NCAPG2: variants seen among roughly 807,000 people sequenced by gnomAD.
NCAPG2 encodes the protein condensin-2 complex subunit G2.
A neutral mutation model predicts 141.1 loss-of-function variants in NCAPG2; 53 were observed. The ratio of observed to expected loss-of-function variants is 0.38; its 90% confidence interval spans 0.30 to 0.47. The LOEUF is 0.47. NCAPG2 is among the 20% of genes least tolerant of loss of function. NCAPG2 has a pLI of 0.99. For missense variants in NCAPG2, 1,087 were observed against 1,389.0 expected (o/e 0.78, Z 3.46); for synonymous variants, 499 against 490.7 (o/e 1.02, Z -0.22).
Position 158,668,502 on chromosome 7 carries a change from A to G in NCAPG2, c.1479+3012T>C, listed in dbSNP as rs553099186. 5.0e-3 allele frequency: 4,231 copies of G among 852,412 alleles called. 17 individuals are homozygous for G. Among genetic ancestry groups the G allele is most frequent in the Non-Finnish European group, 5.6e-3 (3,991 of 709,242 alleles). 52.8% of individuals were successfully genotyped at this position (852,412 alleles called of 1,614,324 possible). On this transcript the variant is annotated intron_variant, in intron 13 of 27. Coordinates refer to ENST00000356309, the MANE Select transcript of NCAPG2 (RefSeq NM_017760.7). ...CTTTTAGAGATACATTCTGAAATACAAAGAAAACAATATGATGTCTGGAAT... is the reference window on the plus strand; with the variant it reads ...CTTTTAGAGATACATTCTGAAATACGAAGAAAACAATATGATGTCTGGAAT...
At position 158,646,465 on chromosome 7, in the gene NCAPG2, C is replaced by A; in HGVS notation, c.3174G>T (p.Val1058=). 1 of 1,598,314 alleles carries A rather than the reference C, an allele frequency of 6.3e-7. No homozygotes were observed. Among genetic ancestry groups the A allele is most frequent in the South Asian group, 1.1e-5 (1 of 88,766 alleles). ...AGTAAAGAGAAAGTGATTACCTGAC[C>A]ACATTCGAAGACTTTATTATTATTC... ...LIGIIIKSSN[V]VRSFLDELKA... Residue 1058 remains valine (V), a synonymous_variant, in exon 25 of 28, where the codon GTG becomes GTT. Transcript: ENST00000356309.
At chr7:158,694,266 T>C (rs758046489) in intron 2 of NCAPG2, among the ~76,000 whole-genome samples, 3 of 152,164 alleles carry the variant, frequency 2.0e-5, no homozygotes, top group Non-Finnish European at 2.9e-5. Context: ...AAATCATTAA[T>C]TAATAGCACC....
intron 27 of NCAPG2, among the ~76,000 whole-genome samples, chr7:158,639,338 A>T (rs1830487547): frequency 6.6e-6 from 1 of 151,936 alleles, no homozygotes; most frequent in South Asian, 2.1e-4. Flanking sequence ...GAACTCCTAG[A>T]CTCAAGCAAT....
At chr7:158,681,703 C>G (rs1834463686) in intron 9 of NCAPG2, among the ~76,000 whole-genome samples, 1 of 152,072 alleles carries the variant, frequency 6.6e-6, no homozygotes, top group South Asian at 2.1e-4. Context: ...ACTTTGATAT[C>G]AACAGTACAC....
chr7:158,665,979 T>A (rs1264946009), intron 13 of NCAPG2, among the ~76,000 whole-genome samples: 1 of 139,832 alleles, frequency 7.2e-6, no homozygotes, highest in Non-Finnish European at 1.5e-5. Flanking sequence ...CACGGGGCAG[T>A]TTACTCACAT....
At chr7:158,666,760 C>CAA (rs573630289) in intron 13 of NCAPG2, among the ~76,000 whole-genome samples, 3 of 149,544 alleles carry the variant, frequency 2.0e-5, no homozygotes, top group African/African-American at 7.4e-5. Flanking sequence ...AACCCTGTCT[C>CAA]AAAAAAAAAT....
At chr7:158,696,315 C>G (rs1371512685) in intron 2 of NCAPG2, 1 of 152,168 alleles carries the variant, frequency 6.6e-6, no homozygotes, top group African/African-American at 2.4e-5. Flanking sequence ...TAGAAGCTGC[C>G]AAACTTTCTG....
At chr7:158,651,047 A>AT in intron 23 of NCAPG2, 75 bp from the exon 24 acceptor site, 1 of 1,427,492 alleles carries the variant, frequency 7.0e-7, no homozygotes, top group South Asian at 1.4e-5. Context: ...ACACTTTAAA[A>AT]TAAGTATTCT....
At chr7:158,690,536 C>T in intron 5 of NCAPG2, 32 bp downstream of exon 5, 1 of 1,597,632 alleles carries the variant, frequency 6.3e-7, no homozygotes, top group Non-Finnish European at 8.6e-7. Context: ...AGAGAGAGAC[C>T]CTGTCTTTAA....
chr7:158,655,654 C>T (rs186976773), intron 19 of NCAPG2, among the ~76,000 whole-genome samples, 199 bp from the exon 20 acceptor site: 4 of 718 alleles, frequency 5.6e-3, no homozygotes, highest in African/African-American at 9.3e-3. Flanking sequence ...AGGTGAGCAG[C>T]CTCAGCTCAC....
chr7:158,636,650 C>T (rs1587040747), intron 27 of NCAPG2, among the ~76,000 whole-genome samples: 1 of 152,262 alleles, frequency 6.6e-6, no homozygotes, highest in East Asian at 1.9e-4. Flanking sequence ...GATCTGCCTG[C>T]CTCAGCCTCC....
intron 12 of NCAPG2, among the ~76,000 whole-genome samples, chr7:158,672,509 A>AT (rs1308877466): frequency 1.2e-4 from 18 of 150,538 alleles, no homozygotes; most frequent in Non-Finnish European, 2.1e-4. Flanking sequence ...CGCCTGGCTA[A>AT]TTTTTGTATT....
At chr7:158,696,109 T>C (rs1835428020) in intron 2 of NCAPG2, 1 of 152,288 alleles carries the variant, frequency 6.6e-6, no homozygotes, top group Admixed American at 6.5e-5. Context: ...CTGTATCTCA[T>C]GAATCAGATG....
rs945928092 is a variant in NCAPG2, at chr7:158,660,401, C to CTTTTTT, written c.1989+1787_1989+1792dup. The stretch of plus-strand genomic sequence containing the variant: ...AGTCCCAGGTCATTATTTCAGCTTT[C>CTTTTTT]TTTTTTTTTTTTTTTTTTTTTTTTT... On this transcript the variant is annotated intron_variant, in intron 16 of 27. Coordinates refer to ENST00000356309, the MANE Select transcript of NCAPG2 (RefSeq NM_017760.7). Among the ~76,000 whole-genome samples, 237 of 72,760 alleles carry CTTTTTT rather than the reference C, an allele frequency of 3.3e-3. 13 individuals are homozygous for CTTTTTT. The highest frequency in any genetic ancestry group is 0.021 in the East Asian group (32 of 1,524). The allele number at this position is 72,760 out of a possible 152,430, so 47.7% of individuals were successfully genotyped here. A position where few individuals can be genotyped will look rare whatever the true frequency, so the allele number is the denominator to read the frequency against.
chr7:158,668,249 C>T (rs1176327448), intron 13 of NCAPG2: 1 of 523,580 alleles, frequency 1.9e-6, no homozygotes, highest in Non-Finnish European at 2.3e-6. Context: ...GCCCTCCTTA[C>T]CCACTACTGG....
Position 158,631,336 on chromosome 7 carries a change from T to C in NCAPG2, c.*330A>G, listed in dbSNP as rs867767556. The C allele has an allele frequency of 3.5e-6, 1 of 282,774 alleles. No individual in the cohort carries two copies. Among genetic ancestry groups the C allele is most frequent in the African/African-American group, 2.3e-5 (1 of 44,052 alleles). The allele number at this position is 282,774 out of a possible 1,614,324, so 17.5% of individuals were successfully genotyped here. The stretch of plus-strand genomic sequence containing the variant: ...GATGTTGTCATTGCTTTATTACTCA[T>C]AGTTTCCAAGCAATATTACATATAT... On this transcript the variant is annotated 3_prime_UTR_variant, in exon 28 of 28. Transcript: ENST00000356309.
chr7:158,652,286 T>A lies in NCAPG2; in HGVS notation c.2934+7A>T. Reference sequence around the variant, plus strand: ...TAGCGAACCCCGTCCTGGGGAGTTCTGAGTACCCGCAGGCCTTCTTCCGGC... The same window carrying A: ...TAGCGAACCCCGTCCTGGGGAGTTCAGAGTACCCGCAGGCCTTCTTCCGGC... On this transcript the variant is annotated splice_region_variant and intron_variant, in intron 23 of 27. Transcript: ENST00000356309. 6.2e-7 allele frequency: 1 copy of A among 1,611,936 alleles called. No individual in the cohort carries two copies. Among genetic ancestry groups the A allele is most frequent in the Non-Finnish European group, 8.5e-7 (1 of 1,179,500 alleles).
At chr7:158,677,403 AGAG>A (rs1834126725) in intron 11 of NCAPG2, among the ~76,000 whole-genome samples, 1 of 152,002 alleles carries the variant, frequency 6.6e-6, no homozygotes, top group African/African-American at 2.4e-5. Context: ...CTACACAACT[AGAG>A]AAGAACACCT....
intron 13 of NCAPG2, among the ~76,000 whole-genome samples, chr7:158,666,324 A>G (rs1832932406): frequency 6.6e-6 from 1 of 152,118 alleles, no homozygotes; most frequent in Non-Finnish European, 1.5e-5. Flanking sequence ...GTTACTTCTG[A>G]CAGCGAGGTA....
Sources: gnomAD v4.1 joint callset for allele counts (sites outside exome capture counted in the v4.1 genomes callset) on GRCh38, gnomAD v4.1.1 for gene constraint, MANE v1.5 for transcripts, NCBI Gene and HGNC (gene_info 2026-07-23, HGNC 2026-07-21) for gene names.